MBTPS1: variants seen among roughly 807,000 people sequenced by gnomAD.
The protein encoded by MBTPS1 is membrane bound transcription factor peptidase, site 1, also known as membrane-bound transcription factor site-1 protease.
In MBTPS1, 94 loss-of-function variants were observed where a neutral mutation model predicts 127.8. The observed-to-expected ratio is 0.74, with a 90% CI of 0.62 to 0.87. The LOEUF (loss-of-function observed/expected upper bound fraction) is 0.87, where lower values mean the gene tolerates loss of function less well. Ranked by LOEUF, MBTPS1 falls within the 40% of genes least tolerant of loss-of-function variation. The pLI is 0.00. For synonymous variants in MBTPS1, 632 were observed against 509.4 expected (o/e 1.24, Z -3.24); for missense variants, 1,636 against 1,353.2 (o/e 1.21, Z -3.28).
intron 4 of MBTPS1, 53 bp downstream of exon 4, chr16:84,095,549 A>T (rs746647049): frequency 1.8e-5 from 29 of 1,585,968 alleles, no homozygotes; most frequent in Non-Finnish European, 2.2e-5. Flanking sequence ...TCCCTGGGTA[A>T]TAGCACACAC....
intron 19 of MBTPS1, among the ~76,000 whole-genome samples, chr16:84,062,169 G>T (rs2085622886): frequency 6.6e-6 from 1 of 152,110 alleles, no homozygotes; most frequent in African/African-American, 2.4e-5. Context: ...CACCCAGGCT[G>T]GAGTGCAGTG....
At chr16:84,093,361 T>A in intron 5 of MBTPS1, 64 bp from the exon 6 acceptor site, 1 of 1,091,778 alleles carries the variant, frequency 9.2e-7, no homozygotes, top group Non-Finnish European at 1.4e-6. Flanking sequence ...GGACGCAACA[T>A]TCCAGGCCAT....
At chr16:84,067,871 G>T (rs554774996) in intron 15 of MBTPS1, 48 bp from the exon 16 acceptor site, 1 of 1,568,618 alleles carries the variant, frequency 6.4e-7, no homozygotes, top group African/African-American at 1.4e-5. Flanking sequence ...CTGAATGACA[G>T]GACACCACCA....
Position 84,099,294 on chromosome 16 carries a change from G to A in MBTPS1, c.180C>T (p.Phe60=). Residue 60 remains phenylalanine (F), a synonymous_variant, in exon 3 of 23, where the codon TTC becomes TTT. Transcript: ENST00000343411. ...TVVEYEYIVA[F]NGYFTAKARN... is the part of the protein sequence containing the mutation. ...TAGCTTTGGCTGTAAAGTATCCATT[G>A]AAAGCCACAATATATTCTGAAACCA... is the stretch of plus-strand genomic sequence containing the variant. The A allele has an allele frequency of 6.2e-7, 1 of 1,613,880 alleles. No individual in the cohort carries two copies. The highest frequency in any genetic ancestry group is 8.5e-7 in the Non-Finnish European group (1 of 1,179,966).
chr16:84,085,571 G>GCA lies in MBTPS1; in HGVS notation c.1135-438_1135-437insTG, dbSNP rs1567490507. Among the ~76,000 whole-genome samples the GCA allele has an allele frequency of 7.4e-5, 6 of 80,830 alleles. 1 individual carries two copies. The highest frequency in any genetic ancestry group is 2.9e-4 in the Admixed American group (2 of 6,878). The allele number at this position is 80,830 out of a possible 152,430, so 53.0% of individuals were successfully genotyped here. A position where few individuals can be genotyped will look rare whatever the true frequency, so the allele number is the denominator to read the frequency against. ...TCCTGTCCCCCTCAGCCCCGCACCC[G>GCA]CCCCCCCCCCAAAAAAAAAGAGAAA... is the stretch of plus-strand genomic sequence containing the variant. On this transcript the variant is annotated intron_variant, in intron 9 of 22. Coordinates refer to ENST00000343411, the MANE Select transcript of MBTPS1 (RefSeq NM_003791.4).
At chr16:84,091,654 C>T (rs903878383) in intron 7 of MBTPS1, 78 bp downstream of exon 7, 2 of 941,568 alleles carry the variant, frequency 2.1e-6, no homozygotes, top group Non-Finnish European at 3.5e-6. Flanking sequence ...GCCACCAACA[C>T]ACTAGATATG....
rs1252608775 is a variant in MBTPS1 at position 84,054,392 on chromosome 16, C to T, written c.*57G>A. 1.0e-5 allele frequency: 15 copies of T among 1,460,834 alleles called. No individual in the cohort carries two copies. Among genetic ancestry groups the T allele is most frequent in the Admixed American group, 2.3e-5 (1 of 43,688 alleles). The allele number at this position is 1,460,834 out of a possible 1,614,324, so 90.5% of individuals were successfully genotyped here. A position where few individuals can be genotyped will look rare whatever the true frequency, so the allele number is the denominator to read the frequency against. Reference sequence around the variant, plus strand: ...CAGCCGCCACCACAGCTCGGCTCACCCACCAGCGCCGTCCGTGAAGGCTCT... The same window carrying T: ...CAGCCGCCACCACAGCTCGGCTCACTCACCAGCGCCGTCCGTGAAGGCTCT... On this transcript the variant is annotated 3_prime_UTR_variant, in exon 23 of 23. Coordinates refer to ENST00000343411, the MANE Select transcript of MBTPS1 (RefSeq NM_003791.4).
intron 11 of MBTPS1, among the ~76,000 whole-genome samples, chr16:84,079,868 C>G (rs2085914341): frequency 6.6e-6 from 1 of 152,250 alleles, no homozygotes; most frequent in Admixed American, 6.5e-5. Flanking sequence ...CACGTGTCCA[C>G]ACGTTGCCTA....
At chr16:84,063,173 T>C in intron 19 of MBTPS1, 132 bp downstream of exon 19, 2 of 903,792 alleles carry the variant, frequency 2.2e-6, no homozygotes, top group Non-Finnish European at 3.4e-6. Flanking sequence ...GACTGCAACA[T>C]CTCCAGCTGA....
intron 21 of MBTPS1, among the ~76,000 whole-genome samples, chr16:84,059,094 T>C (rs765292456): frequency 1.3e-5 from 2 of 152,218 alleles, no homozygotes; most frequent in Non-Finnish European, 2.9e-5. Flanking sequence ...AAAATGCTAA[T>C]TATCCAAAGC....
At chr16:84,081,332 GCA>G (rs1318210809) in intron 11 of MBTPS1, among the ~76,000 whole-genome samples, 8 of 152,238 alleles carry the variant, frequency 5.3e-5, no homozygotes, top group Admixed American at 5.2e-4. Flanking sequence ...GTGAATTACA[GCA>G]CAGTGTCAGT....
At chr16:84,063,536 C>A (rs2085643493) in intron 18 of MBTPS1, 91 bp from the exon 19 acceptor site, 1 of 1,234,420 alleles carries the variant, frequency 8.1e-7, no homozygotes, top group Non-Finnish European at 1.1e-6. Flanking sequence ...ACAAATAAAC[C>A]ACATTTACAA....
chr16:84,101,083 G>A (rs559836265), intron 2 of MBTPS1, among the ~76,000 whole-genome samples: 68 of 151,068 alleles, frequency 4.5e-4, no homozygotes, highest in East Asian at 2.0e-4. Flanking sequence ...GGCGGATCAC[G>A]AGGTCAGGAG....
Position 84,082,942 on chromosome 16 carries a change from C to A in MBTPS1, c.1287-1034G>T, listed in dbSNP as rs572349593. ...TTCCATTATGAGCGACTGTCACACA[C>A]AGAGATCACAACGGCAGTTTCATCT... is the stretch of plus-strand genomic sequence containing the variant. On this transcript the variant is annotated intron_variant, in intron 10 of 22. Coordinates refer to ENST00000343411, the MANE Select transcript of MBTPS1 (RefSeq NM_003791.4). Among the ~76,000 whole-genome samples, 128 of 152,314 alleles carry A rather than the reference C, an allele frequency of 8.4e-4. 1 individual carries two copies. The highest frequency in any genetic ancestry group is 2.8e-3 in the African/African-American group (118 of 41,560).
At chr16:84,079,238 A>G (rs1057109230) in intron 11 of MBTPS1, among the ~76,000 whole-genome samples, 1 of 152,206 alleles carries the variant, frequency 6.6e-6, no homozygotes, top group African/African-American at 2.4e-5. Context: ...TGCTTCCTGT[A>G]CAGCCTGCAG....
chr16:84,093,928 G>A, intron 4 of MBTPS1, 107 bp from the exon 5 acceptor site: 1 of 826,046 alleles, frequency 1.2e-6, no homozygotes, highest in Admixed American at 2.0e-5. Flanking sequence ...ATGACATATT[G>A]TGGAAGGCCA....
chr16:84,062,884 C>G (rs1024648064), intron 19 of MBTPS1, among the ~76,000 whole-genome samples: 2 of 152,186 alleles, frequency 1.3e-5, no homozygotes, highest in African/African-American at 4.8e-5. Flanking sequence ...CAGCCAAGAG[C>G]CAGCCCTCCA....
rs1183460863 is a variant in MBTPS1, at chr16:84,099,249, A to G, written c.225T>C (p.Ser75=). The G allele has an allele frequency of 1.9e-6, 3 of 1,614,046 alleles. No individual in the cohort carries two copies. Among genetic ancestry groups the G allele is most frequent in the Non-Finnish European group, 2.5e-6 (3 of 1,179,988 alleles). Residue 75 remains serine, a synonymous_variant, in exon 3 of 23, where the codon AGT becomes AGC. Coordinates refer to ENST00000343411, the MANE Select transcript of MBTPS1 (RefSeq NM_003791.4). ...TAKARNSFIS[S]ALKSSEVDNW... is the part of the protein sequence containing the mutation. Reference sequence around the variant, plus strand: ...TGTCTACTTCACTGCTCTTCAGGGCACTTGAAATAAATGAATTTCTAGCTT... The same window carrying G: ...TGTCTACTTCACTGCTCTTCAGGGCGCTTGAAATAAATGAATTTCTAGCTT...
At chr16:84,061,982 G>A (rs2085620715) in intron 19 of MBTPS1, among the ~76,000 whole-genome samples, 1 of 152,056 alleles carries the variant, frequency 6.6e-6, no homozygotes, top group African/African-American at 2.4e-5. Flanking sequence ...TTAAATGTAA[G>A]GCCTAGGACC....
Sources: allele counts gnomAD v4.1 joint callset (sites outside exome capture counted in the v4.1 genomes callset), GRCh38; gene constraint gnomAD v4.1.1; transcripts MANE v1.5; gene names NCBI Gene and HGNC (gene_info 2026-07-23, HGNC 2026-07-21).